The following KHDRBS2 variants were observed in gnomAD, a reference collection of about 807,000 sequenced individuals.
KHDRBS2 encodes the protein KH RNA binding domain containing, signal transduction associated 2.
KHDRBS2 carries 26 observed loss-of-function variants against 44.3 expected under a neutral mutation model. The observed-to-expected ratio is 0.59, with a 90% confidence interval of 0.43 to 0.81. The LOEUF (loss-of-function observed/expected upper bound fraction) is 0.81. KHDRBS2 is among the 40% of genes least tolerant of loss of function. The pLI is 0.00. For synonymous variants in KHDRBS2, 194 were observed against 151.1 expected, an observed-to-expected ratio of 1.28 and a Z score of -2.08; for missense variants, 476 against 433.1, an observed-to-expected ratio of 1.10 and a Z score of -0.88.
intron 6 of KHDRBS2, among the ~76,000 whole-genome samples, chr6:61,738,871 T>C (rs903359556): frequency 2.6e-5 from 4 of 151,940 alleles, no homozygotes; most frequent in Non-Finnish European, 5.9e-5. Context: ...AAAATAATAG[T>C]AATTCATCAG....
At chr6:61,853,768 T>C (rs1260790242) in intron 6 of KHDRBS2, among the ~76,000 whole-genome samples, 9 of 152,226 alleles carry the variant, frequency 5.9e-5, no homozygotes, top group African/African-American at 1.9e-4. Context: ...TGGATGGTTT[T>C]TGGGCTGATG....
At chr6:62,087,964 T>C (rs1651775182) in intron 2 of KHDRBS2, among the ~76,000 whole-genome samples, 1 of 152,234 alleles carries the variant, frequency 6.6e-6, no homozygotes, top group Admixed American at 6.5e-5. Flanking sequence ...TCTGATATCC[T>C]TTCTTCTGCT....
At chr6:61,995,516 G>T (rs987913799) in intron 3 of KHDRBS2, among the ~76,000 whole-genome samples, 4 of 152,174 alleles carry the variant, frequency 2.6e-5, no homozygotes, top group African/African-American at 9.7e-5. Context: ...CTGCCTGTTT[G>T]CTTTGGGAAG....
chr6:62,117,367 T>C (rs1806512149), intron 2 of KHDRBS2, among the ~76,000 whole-genome samples: 1 of 152,220 alleles, frequency 6.6e-6, no homozygotes, highest in South Asian at 2.1e-4. Context: ...TGCTGAGTAA[T>C]TGTCACATAC....
At chr6:62,057,073 C>A (rs1790454675) in intron 2 of KHDRBS2, among the ~76,000 whole-genome samples, 1 of 151,936 alleles carries the variant, frequency 6.6e-6, no homozygotes, top group South Asian at 2.1e-4. Context: ...GACTGAGTTT[C>A]ACAAAGTGAG....
chr6:61,984,365 T>C (rs1022068985), intron 3 of KHDRBS2, among the ~76,000 whole-genome samples: 2 of 152,216 alleles, frequency 1.3e-5, no homozygotes, highest in African/African-American at 2.4e-5. Context: ...GTGAAATTTC[T>C]AGCGAAGTTT....
At chr6:61,714,749 A>G (rs2127552353) in intron 7 of KHDRBS2, among the ~76,000 whole-genome samples, 1 of 152,070 alleles carries the variant, frequency 6.6e-6, no homozygotes, top group Non-Finnish European at 1.5e-5. Flanking sequence ...TTTTGCAACA[A>G]CATGGATGGA....
At chr6:61,717,255 C>G (rs1771597088) in intron 7 of KHDRBS2, among the ~76,000 whole-genome samples, 1 of 151,918 alleles carries the variant, frequency 6.6e-6, no homozygotes, top group Non-Finnish European at 1.5e-5. Context: ...TGTATACATA[C>G]TGATAATTTG....
At chr6:62,027,942 A>G (rs1783667516) in intron 3 of KHDRBS2, among the ~76,000 whole-genome samples, 1 of 152,056 alleles carries the variant, frequency 6.6e-6, no homozygotes, top group South Asian at 2.1e-4. Context: ...AAATTAACAA[A>G]CCCGAGGAAG....
intron 6 of KHDRBS2, among the ~76,000 whole-genome samples, chr6:61,756,894 G>A (rs1778573379): frequency 6.6e-6 from 1 of 152,086 alleles, no homozygotes; most frequent in Non-Finnish European, 1.5e-5. Context: ...TCTTTCCTCA[G>A]GCAACAAATG....
intron 3 of KHDRBS2, among the ~76,000 whole-genome samples, chr6:62,011,050 T>A (rs1398129913): frequency 1.3e-5 from 2 of 152,174 alleles, no homozygotes; most frequent in Non-Finnish European, 2.9e-5. Context: ...AATGAAGAGG[T>A]TATTATTAAA....
At chr6:61,854,972 G>A (rs1215723722) in intron 6 of KHDRBS2, among the ~76,000 whole-genome samples, 1 of 152,002 alleles carries the variant, frequency 6.6e-6, no homozygotes, top group Non-Finnish European at 1.5e-5. Context: ...TTCACACGTA[G>A]GACTGTCAGA....
At chr6:61,774,213 G>T (rs1019477138) in intron 6 of KHDRBS2, among the ~76,000 whole-genome samples, 52 of 152,246 alleles carry the variant, frequency 3.4e-4, no homozygotes, top group African/African-American at 1.2e-3. Flanking sequence ...GGATGGCATT[G>T]AATCTATAAA....
At position 61,897,511 on chromosome 6, in the gene KHDRBS2, C is replaced by G. The variant is rs534445069; in HGVS notation, c.612-2678G>C. Among the ~76,000 whole-genome samples the G allele has an allele frequency of 8.5e-4, 130 of 152,222 alleles. 1 individual carries two copies. The Middle Eastern group carries it at 0.017, about 20-fold the overall frequency. On this transcript the variant is annotated intron_variant, in intron 5 of 8. Coordinates refer to ENST00000281156, the MANE Select transcript of KHDRBS2 (RefSeq NM_152688.4). Reference sequence around the variant, plus strand: ...GTTAATGATATCATCAATTTCTCACCAGGCTAGACACCAAAAATTTATCTT... The same window carrying G: ...GTTAATGATATCATCAATTTCTCACGAGGCTAGACACCAAAAATTTATCTT...
the KHDRBS2 span, among the ~76,000 whole-genome samples, chr6:61,628,990 TGAA>T: frequency 6.6e-6 from 1 of 152,188 alleles, no homozygotes; most frequent in Non-Finnish European, 1.5e-5. Context: ...GTAAAAACAA[TGAA>T]GGTGAGAAAA....
chr6:62,131,600 C>T (rs189952258), intron 2 of KHDRBS2, among the ~76,000 whole-genome samples: 151 of 152,262 alleles, frequency 9.9e-4, no homozygotes, highest in African/African-American at 3.6e-3. Flanking sequence ...GGGAATTTCA[C>T]AGGGAAGTAC....
intron 7 of KHDRBS2, among the ~76,000 whole-genome samples, chr6:61,726,728 T>A (rs1414820926): frequency 1.1e-4 from 17 of 151,734 alleles, no homozygotes. Flanking sequence ...AAGTGACGGA[T>A]CTCTTCAAAG....
At chr6:62,062,306 C>A (rs1484225868) in intron 2 of KHDRBS2, among the ~76,000 whole-genome samples, 6 of 145,182 alleles carry the variant, frequency 4.1e-5, no homozygotes, top group African/African-American at 1.3e-4. Flanking sequence ...ACTTTCCACC[C>A]CAAATCAACA....
intron 8 of KHDRBS2, among the ~76,000 whole-genome samples, chr6:61,689,422 A>T (rs1767151685): frequency 6.6e-6 from 1 of 151,934 alleles, no homozygotes; most frequent in Non-Finnish European, 1.5e-5. Context: ...AGTCCCCCAA[A>T]CTTGTGAGTG....
Sources: allele counts gnomAD v4.1 joint callset (sites outside exome capture counted in the v4.1 genomes callset), GRCh38; gene constraint gnomAD v4.1.1; transcripts MANE v1.5; gene names NCBI Gene and HGNC (gene_info 2026-07-23, HGNC 2026-07-21).